MTUS2: variants seen among roughly 807,000 people sequenced by gnomAD.
MTUS2 encodes the protein microtubule-associated tumor suppressor candidate 2.
MTUS2 carries 40 observed loss-of-function variants against 114.1 expected under a neutral mutation model. The ratio of observed to expected loss-of-function variants is 0.35; its 90% CI spans 0.27 to 0.46. MTUS2 has a LOEUF of 0.46. MTUS2 is among the 20% of genes least tolerant of loss of function. MTUS2 has a pLI of 1.00. For missense variants in MTUS2, 1,679 were observed against 1,705.4 expected, an observed-to-expected ratio of 0.98 and a Z score of 0.27; for synonymous variants, 688 against 672.0, an observed-to-expected ratio of 1.02 and a Z score of -0.37.
chr13:29,227,398 C>T (rs770501664), intron 5 of MTUS2, among the ~76,000 whole-genome samples: 1 of 152,280 alleles, frequency 6.6e-6, no homozygotes, highest in Non-Finnish European at 1.5e-5. Context: ...CTCTTTGCCA[C>T]TATGAATGTG....
chr13:29,430,361 T>C (rs1254136276), intron 8 of MTUS2, among the ~76,000 whole-genome samples: 4 of 152,198 alleles, frequency 2.6e-5, no homozygotes, highest in African/African-American at 9.6e-5. Flanking sequence ...AATCAAGTTC[T>C]TGAAAATGAT....
chr13:28,908,936 T>A (rs1455621942), intron 2 of MTUS2, among the ~76,000 whole-genome samples: 1 of 151,664 alleles, frequency 6.6e-6, no homozygotes, highest in Non-Finnish European at 1.5e-5. Flanking sequence ...GCACCATTTA[T>A]TAAATAGGGA....
intron 2 of MTUS2, among the ~76,000 whole-genome samples, chr13:28,901,274 A>T (rs185567702): frequency 1.3e-5 from 2 of 152,260 alleles, no homozygotes; most frequent in Admixed American, 6.5e-5. Context: ...TTCATTTTCA[A>T]ATATGTGGTT....
At chr13:29,362,840 A>G (rs1593351142) in intron 8 of MTUS2, among the ~76,000 whole-genome samples, 2 of 152,342 alleles carry the variant, frequency 1.3e-5, no homozygotes, top group South Asian at 4.1e-4. Context: ...AGAAGCCCAG[A>G]TAAGAATCTC....
chr13:29,187,469 A>G (rs548944394), intron 5 of MTUS2, among the ~76,000 whole-genome samples: 6 of 152,320 alleles, frequency 3.9e-5, no homozygotes, highest in Admixed American at 2.0e-4. Flanking sequence ...ACTTTGATCA[A>G]TTGTATACAA....
chr13:28,966,682 G>A lies in MTUS2; in HGVS notation c.-242-57775G>A, dbSNP rs114573127. 7.8e-3 allele frequency among the ~76,000 whole-genome samples: 1,027 copies of A among 131,422 alleles called. 13 individuals carry two copies. Among genetic ancestry groups the A allele is most frequent in the African/African-American group, 0.027 (977 of 35,638 alleles). 86.2% of individuals were successfully genotyped at this position (131,422 alleles called of 152,430 possible). On this transcript the variant is annotated intron_variant, in intron 2 of 15. Transcript: ENST00000612955. ...CCATGCTGCAGTGAGCTGTGATGGT[G>A]TTACTGTACTTGAGCCTGGGAGACA...
intron 5 of MTUS2, among the ~76,000 whole-genome samples, chr13:29,129,677 G>C (rs1192763068): frequency 6.6e-6 from 1 of 152,070 alleles, no homozygotes; most frequent in Non-Finnish European, 1.5e-5. Context: ...TTTTATTTTA[G>C]GTGATGATAC....
At chr13:29,262,981 C>A (rs930480963) in intron 5 of MTUS2, among the ~76,000 whole-genome samples, 1 of 152,094 alleles carries the variant, frequency 6.6e-6, no homozygotes, top group Non-Finnish European at 1.5e-5. Context: ...GCTTTATATG[C>A]ACTTTCTCAT....
intron 2 of MTUS2, among the ~76,000 whole-genome samples, chr13:28,857,645 C>T (rs1192089359): frequency 1.3e-5 from 2 of 152,120 alleles, no homozygotes; most frequent in African/African-American, 4.8e-5. Flanking sequence ...ATACATTTGA[C>T]ATAATATGGA....
At chr13:29,088,886 A>C (rs919773559) in intron 4 of MTUS2, among the ~76,000 whole-genome samples, 1 of 152,164 alleles carries the variant, frequency 6.6e-6, no homozygotes, top group Non-Finnish European at 1.5e-5. Context: ...AAGACAGCAC[A>C]CAGTTGGGTC....
intron 2 of MTUS2, among the ~76,000 whole-genome samples, chr13:29,014,964 C>G (rs1382139972): frequency 6.6e-6 from 1 of 152,176 alleles, no homozygotes; most frequent in African/African-American, 2.4e-5. Flanking sequence ...AAGGAACAAA[C>G]CACTGATGGA....
chr13:29,177,646 G>T (rs976146211), intron 5 of MTUS2, among the ~76,000 whole-genome samples: 1 of 152,162 alleles, frequency 6.6e-6, no homozygotes, highest in Non-Finnish European at 1.5e-5. Context: ...GGTGAGCAAA[G>T]TAGCAATTGG....
At chr13:29,014,618 C>T (rs1885988777) in intron 2 of MTUS2, among the ~76,000 whole-genome samples, 2 of 152,094 alleles carry the variant, frequency 1.3e-5, no homozygotes, top group South Asian at 2.1e-4. Context: ...AGAGGAGGAC[C>T]ATCCAGGAAA....
chr13:29,114,655 G>A (rs1265569518), intron 5 of MTUS2, among the ~76,000 whole-genome samples: 1 of 152,150 alleles, frequency 6.6e-6, no homozygotes, highest in African/African-American at 2.4e-5. Flanking sequence ...CCATGGTAGG[G>A]AATAACTGAG....
intron 5 of MTUS2, among the ~76,000 whole-genome samples, chr13:29,232,525 G>C (rs192033395): frequency 6.6e-5 from 10 of 152,132 alleles, no homozygotes; most frequent in Non-Finnish European, 1.3e-4. Flanking sequence ...AGGACACTAC[G>C]GGTTTCTAAT....
At chr13:29,222,837 G>T (rs34231979) in intron 5 of MTUS2, among the ~76,000 whole-genome samples, 22,709 of 152,224 alleles carry the variant, frequency 0.15, 1,879 homozygotes, top group East Asian at 0.31. Flanking sequence ...CTCCAATTGC[G>T]GAGCAAAGTT....
intron 5 of MTUS2, among the ~76,000 whole-genome samples, chr13:29,260,583 AAC>A (rs1897434205): frequency 6.6e-6 from 1 of 152,258 alleles, no homozygotes; most frequent in Non-Finnish European, 1.5e-5. Context: ...GAATATTGAA[AAC>A]ACATACCTAT....
At chr13:29,190,379 C>T (rs1037960675) in intron 5 of MTUS2, among the ~76,000 whole-genome samples, 1 of 152,182 alleles carries the variant, frequency 6.6e-6, no homozygotes, top group South Asian at 2.1e-4. Flanking sequence ...GCAAAGAAAA[C>T]CTAAGACACC....
chr13:29,250,144 G>GAAAATAAAATAAAATAAAATAAA (rs1220280369), intron 5 of MTUS2, among the ~76,000 whole-genome samples: 1 of 152,096 alleles, frequency 6.6e-6, no homozygotes, highest in African/African-American at 2.4e-5. Context: ...AAATAAAATG[G>GAAAATAAAATAAAATAAAATAAA]ATAAGGAAAA....
Sources: allele counts gnomAD v4.1 joint callset (sites outside exome capture counted in the v4.1 genomes callset), GRCh38; gene constraint gnomAD v4.1.1; transcripts MANE v1.5; gene names NCBI Gene and HGNC (gene_info 2026-07-23, HGNC 2026-07-21).